SOX6: variants seen among roughly 807,000 people sequenced by gnomAD.
The protein encoded by SOX6 is transcription factor SOX-6.
In SOX6, 11 loss-of-function variants were observed where a neutral mutation model predicts 97.8. That is an observed-to-expected ratio of 0.11 (90% CI 0.07 to 0.19). SOX6 has a LOEUF of 0.19. Ranked by LOEUF, SOX6 falls within the 10% of genes least tolerant of loss-of-function variation. The probability of loss-of-function intolerance (pLI) is 1.00; values close to 1 mark genes in which losing one functional copy is unlikely to be tolerated. For missense variants in SOX6, 810 were observed against 1,039.5 expected (o/e 0.78, Z 3.04); for synonymous variants, 360 against 371.4 (o/e 0.97, Z 0.35).
chr11:16,380,792 A>T (rs1455887865), intron 1 of SOX6, among the ~76,000 whole-genome samples: 4 of 152,152 alleles, frequency 2.6e-5, no homozygotes, highest in African/African-American at 7.2e-5. Context: ...AGGTAGATAT[A>T]GCAAAATAAG....
At chr11:16,683,737 G>A (rs1847946501) in intron 3 of SOX6, among the ~76,000 whole-genome samples, 1 of 152,150 alleles carries the variant, frequency 6.6e-6, no homozygotes. Context: ...TGACAAATGG[G>A]ATCTAATTAA....
intron 4 of SOX6, among the ~76,000 whole-genome samples, chr11:16,213,655 G>T (rs1242969326): frequency 6.6e-6 from 1 of 152,224 alleles, no homozygotes; most frequent in Admixed American, 6.5e-5. Context: ...GAGAAAAATA[G>T]ATTTTAATAT....
intron 6 of SOX6, among the ~76,000 whole-genome samples, chr11:16,169,629 C>A (rs1034653763): frequency 1.3e-5 from 2 of 152,028 alleles, no homozygotes; most frequent in Non-Finnish European, 2.9e-5. Context: ...CAAACACTCA[C>A]AGAAAATGTT....
intron 6 of SOX6, among the ~76,000 whole-genome samples, chr11:16,118,313 A>G (rs1849403506): frequency 6.6e-6 from 1 of 152,220 alleles, no homozygotes; most frequent in African/African-American, 2.4e-5. Context: ...GAGGGTGGGG[A>G]ACATATTCTT....
intron 3 of SOX6, among the ~76,000 whole-genome samples, chr11:16,622,919 C>G (rs1848566009): frequency 6.6e-6 from 1 of 152,064 alleles, no homozygotes; most frequent in Non-Finnish European, 1.5e-5. Context: ...ACACTAACAT[C>G]TATTTCTTTT....
At chr11:16,543,418 C>T (rs1861437785) in intron 4 of SOX6, among the ~76,000 whole-genome samples, 1 of 119,582 alleles carries the variant, frequency 8.4e-6, no homozygotes, top group Non-Finnish European at 2.0e-5. Flanking sequence ...AAAAAAAAAT[C>T]ATCTTCATTT....
intron 1 of SOX6, among the ~76,000 whole-genome samples, chr11:16,367,951 C>T (rs1857399316): frequency 6.6e-6 from 1 of 152,102 alleles, no homozygotes; most frequent in Non-Finnish European, 1.5e-5. Context: ...CAACCTATAA[C>T]AAAACCAATT....
chr11:16,218,520 G>A (rs540553109), intron 4 of SOX6, among the ~76,000 whole-genome samples: 1 of 152,088 alleles, frequency 6.6e-6, no homozygotes, highest in East Asian at 1.9e-4. Context: ...AATTTTGAAG[G>A]CTGATAATAT....
At chr11:16,496,845 C>T (rs574536191) in intron 4 of SOX6, among the ~76,000 whole-genome samples, 11 of 152,166 alleles carry the variant, frequency 7.2e-5, no homozygotes, top group Admixed American at 2.6e-4. Context: ...TGGAGCCCAC[C>T]GCAGGTCAAG....
intron 3 of SOX6, among the ~76,000 whole-genome samples, chr11:16,622,290 G>C (rs1047991557): frequency 5.3e-5 from 8 of 152,090 alleles, no homozygotes; most frequent in African/African-American, 1.7e-4. Context: ...TATTTCAATA[G>C]GTTTTTGGGG....
chr11:16,082,878 C>A (rs1848500536), intron 9 of SOX6, among the ~76,000 whole-genome samples: 1 of 152,132 alleles, frequency 6.6e-6, no homozygotes, highest in Non-Finnish European at 1.5e-5. Flanking sequence ...CCCTTGCATA[C>A]CTTTCCAATT....
intron 4 of SOX6, among the ~76,000 whole-genome samples, chr11:16,223,041 C>T (rs956007533): frequency 5.3e-5 from 8 of 152,106 alleles, no homozygotes; most frequent in Non-Finnish European, 7.4e-5. Flanking sequence ...GCACAGTCAA[C>T]GTCTGTTAAC....
At chr11:16,040,910 C>T (rs556473481) in intron 12 of SOX6, among the ~76,000 whole-genome samples, 1 of 151,974 alleles carries the variant, frequency 6.6e-6, no homozygotes, top group Non-Finnish European at 1.5e-5. Flanking sequence ...TATTCATTGT[C>T]GTGACATAAA....
intron 4 of SOX6, among the ~76,000 whole-genome samples, chr11:16,517,078 C>T (rs1226683761): frequency 6.7e-6 from 1 of 149,496 alleles, no homozygotes; most frequent in Admixed American, 6.7e-5. Context: ...AGACAAAAAC[C>T]ACATGATTAT....
chr11:16,132,282 GGAAGGAA>G (rs780069370), intron 6 of SOX6, among the ~76,000 whole-genome samples: 130 of 45,460 alleles, frequency 2.9e-3, no homozygotes, highest in Non-Finnish European at 3.9e-3. Context: ...AAGGAAGGAA[GGAAGGAA>G]GGAAGGAAGG....
At chr11:16,241,257 AT>A (rs1401679460) in intron 3 of SOX6, among the ~76,000 whole-genome samples, 4 of 152,002 alleles carry the variant, frequency 2.6e-5, no homozygotes, top group African/African-American at 9.7e-5. Flanking sequence ...GGTAAGTTTT[AT>A]TTTCATCTAT....
intron 4 of SOX6, among the ~76,000 whole-genome samples, chr11:16,563,895 T>C (rs936038258): frequency 1.3e-5 from 2 of 152,116 alleles, no homozygotes; most frequent in Non-Finnish European, 2.9e-5. Context: ...GGGAAAATAA[T>C]TCAAATGACG....
intron 4 of SOX6, among the ~76,000 whole-genome samples, chr11:16,511,761 C>T (rs1295205488): frequency 6.6e-6 from 1 of 152,088 alleles, no homozygotes; most frequent in Non-Finnish European, 1.5e-5. Context: ...AACTTAAAAG[C>T]GCAGGAGCTA....
At chr11:16,512,197 T>C (rs899057431) in intron 4 of SOX6, among the ~76,000 whole-genome samples, 4 of 152,070 alleles carry the variant, frequency 2.6e-5, no homozygotes, top group Admixed American at 6.6e-5. Context: ...TGTCCCAAAT[T>C]GTGTATCAAG....
Sources: gnomAD v4.1 joint callset for allele counts (sites outside exome capture counted in the v4.1 genomes callset) on GRCh38, gnomAD v4.1.1 for gene constraint, MANE v1.5 for transcripts, NCBI Gene and HGNC (gene_info 2026-07-23, HGNC 2026-07-21) for gene names.